Variants in CFAP92 observed in about 807,000 individuals in gnomAD.
CFAP92 encodes uncharacterized protein CFAP92.
A neutral mutation model predicts 106.3 loss-of-function variants in CFAP92; 86 were observed. The observed-to-expected ratio is 0.81, with a 90% CI of 0.68 to 0.97. The LOEUF (loss-of-function observed/expected upper bound fraction) is 0.97. Among genes scored for constraint, CFAP92 ranks in the 50% least tolerant of loss-of-function variants. The probability of loss-of-function intolerance (pLI) is 0.00; values close to 1 mark genes in which losing one functional copy is unlikely to be tolerated. For synonymous variants in CFAP92, 477 were observed against 506.4 expected (o/e 0.94, Z 0.78); for missense variants, 1,204 against 1,283.8 (o/e 0.94, Z 0.95).
At chr3:128,947,643 C>T (rs551322001) in intron 9 of CFAP92, among the ~76,000 whole-genome samples, 52 of 152,278 alleles carry the variant, frequency 3.4e-4, no homozygotes, top group African/African-American at 7.5e-4. Context: ...GAAACTTCAA[C>T]GTAAACCTCA....
rs894180787 is a variant in CFAP92, at chr3:128,935,290, T to C, written c.2288A>G (p.Lys763Arg). The C allele has an allele frequency of 6.5e-6, 10 of 1,528,726 alleles. No individual in the cohort carries two copies. In the African/African-American group the frequency reaches 1.1e-4, roughly 17 times the overall value. The allele number at this position is 1,528,726 out of a possible 1,614,324, so 94.7% of individuals were successfully genotyped here. A position where few individuals can be genotyped will look rare whatever the true frequency, so the allele number is the denominator to read the frequency against. ...WIPRSEHRKY[K>R]VLYNSQLLFR... is the part of the protein sequence containing the mutation. ...CAGCAGCTGTGAGTTGTACAGCACC[T>C]TGTATTTCCTGTGTTCTGACCTGGG... is the stretch of plus-strand genomic sequence containing the variant. The change falls in exon 11 of 16, where the codon AAG becomes AGG. Residue 763 changes from lysine to arginine, a missense_variant. Physicochemically the swap from Lys to Arg is conservative, Grantham distance 26. Coordinates refer to ENST00000645291, the MANE Select transcript of CFAP92 (RefSeq NM_001394090.1).
At chr3:128,919,336 T>C (rs1039434948) in intron 12 of CFAP92, among the ~76,000 whole-genome samples, 2 of 151,974 alleles carry the variant, frequency 1.3e-5, no homozygotes, top group South Asian at 4.2e-4. Flanking sequence ...GCATATACAC[T>C]AGGCAAAAAG....
chr3:128,939,418 G>A lies in CFAP92; in HGVS notation c.2259-4099C>T, dbSNP rs146187028. 5.0e-3 allele frequency among the ~76,000 whole-genome samples: 758 copies of A among 152,272 alleles called. 8 individuals are homozygous for A. Among genetic ancestry groups the A allele is most frequent in the African/African-American group, 0.017 (718 of 41,528 alleles). ...CTCCCAAAGTGCTGAGATTACAGGCGTGAGCCACTGTGCCCAGCCTAGAGT... is the reference window on the plus strand; with the variant it reads ...CTCCCAAAGTGCTGAGATTACAGGCATGAGCCACTGTGCCCAGCCTAGAGT... On this transcript the variant is annotated intron_variant, in intron 10 of 15. Coordinates refer to ENST00000645291, the MANE Select transcript of CFAP92 (RefSeq NM_001394090.1).
chr3:128,933,822 A>C (rs570369778), intron 11 of CFAP92, among the ~76,000 whole-genome samples: 30 of 152,302 alleles, frequency 2.0e-4, no homozygotes, highest in Non-Finnish European at 3.5e-4. Flanking sequence ...CCCACATGCC[A>C]AAGGTGAGGG....
At chr3:128,964,529 C>G (rs1429095110) in intron 9 of CFAP92, among the ~76,000 whole-genome samples, 1 of 152,188 alleles carries the variant, frequency 6.6e-6, no homozygotes, top group Admixed American at 6.5e-5. Context: ...GTGCTATCCC[C>G]AAACTGCCAC....
intron 4 of CFAP92, among the ~76,000 whole-genome samples, chr3:128,987,133 C>T (rs1002317542): frequency 1.8e-4 from 28 of 152,140 alleles, no homozygotes; most frequent in African/African-American, 6.5e-4. Flanking sequence ...CGCACTCCAG[C>T]CTGGGCGACA....
At chr3:129,015,050 G>A in the CFAP92 span, among the ~76,000 whole-genome samples, 1 of 152,090 alleles carries the variant, frequency 6.6e-6, no homozygotes, top group Admixed American at 6.5e-5. Flanking sequence ...CAGAACCACG[G>A]ACCACACAGC....
At chr3:128,975,177 T>A (rs1368144566) in intron 7 of CFAP92, among the ~76,000 whole-genome samples, 1 of 151,532 alleles carries the variant, frequency 6.6e-6, no homozygotes, top group Non-Finnish European at 1.5e-5. Context: ...TCAAGGAGAG[T>A]CTTTCCATAA....
intron 4 of CFAP92, among the ~76,000 whole-genome samples, chr3:128,986,469 C>G (rs1411340961): frequency 2.0e-5 from 3 of 151,112 alleles, no homozygotes; most frequent in Non-Finnish European, 4.4e-5. Context: ...CAAACTCCTG[C>G]CTCAGCCTCC....
upstream of CFAP92, among the ~76,000 whole-genome samples, chr3:129,006,813 G>A (rs1945095023): frequency 6.6e-6 from 1 of 152,140 alleles, no homozygotes; most frequent in Non-Finnish European, 1.5e-5. Flanking sequence ...CCTTGCCCGG[G>A]GGGCTGACCT....
intron 9 of CFAP92, among the ~76,000 whole-genome samples, chr3:128,959,210 CAAATAAAT>C (rs891094803): frequency 2.0e-5 from 3 of 150,964 alleles, no homozygotes; most frequent in Non-Finnish European, 2.9e-5. Flanking sequence ...AATTCTGCCT[CAAATAAAT>C]AAATAAATAA....
Position 128,959,456 on chromosome 3 carries a change from A to G in CFAP92, c.1353+6055T>C, listed in dbSNP as rs554356438. Among the ~76,000 whole-genome samples, 160 of 152,314 alleles carry G rather than the reference A, an allele frequency of 1.1e-3. 1 individual carries two copies. The highest frequency in any genetic ancestry group is 3.8e-3 in the African/African-American group (157 of 41,552). On this transcript the variant is annotated intron_variant, in intron 9 of 15. Transcript: ENST00000645291. ...ATATCTGCAGACATATGAGATCTCA[A>G]AAATAAATCTCCCATTGACCTTTTC... is the stretch of plus-strand genomic sequence containing the variant.
At chr3:128,933,178 CCTT>C (rs1326075441) in intron 11 of CFAP92, among the ~76,000 whole-genome samples, 181 bp from the exon 12 acceptor site, 2 of 152,228 alleles carry the variant, frequency 1.3e-5, no homozygotes, top group Non-Finnish European at 2.9e-5. Flanking sequence ...GCAAAAGCCT[CCTT>C]CTCCATCTTC....
At chr3:128,928,238 G>A (rs1937922795) in intron 12 of CFAP92, among the ~76,000 whole-genome samples, 1 of 152,168 alleles carries the variant, frequency 6.6e-6, no homozygotes, top group South Asian at 2.1e-4. Context: ...GGGTGACAGA[G>A]CAAGACTCCG....
At chr3:128,991,109 G>A (rs1218826330) in intron 2 of CFAP92, among the ~76,000 whole-genome samples, 1 of 152,150 alleles carries the variant, frequency 6.6e-6, no homozygotes, top group Non-Finnish European at 1.5e-5. Flanking sequence ...AATGCCTTTA[G>A]AGGACAACAA....
At chr3:128,990,020 C>T (rs932057195) in intron 2 of CFAP92, among the ~76,000 whole-genome samples, 1 of 152,222 alleles carries the variant, frequency 6.6e-6, no homozygotes, top group Admixed American at 6.5e-5. Flanking sequence ...TCTTGGAATA[C>T]AGGCAACAGA....
upstream of CFAP92, among the ~76,000 whole-genome samples, chr3:129,004,806 A>G (rs1402793414): frequency 6.6e-6 from 1 of 152,020 alleles, no homozygotes; most frequent in African/African-American, 2.4e-5. Context: ...CAGGTGTGTA[A>G]TGACTGCCTG....
Position 128,978,062 on chromosome 3 carries a change from T to A in CFAP92, c.791A>T (p.His264Leu). Residue 264 changes from histidine (H) to leucine (L), a missense_variant, in exon 5 of 16, where the codon CAC (histidine) becomes CTC (leucine). Transcript: ENST00000645291. ...PPGKQEKTEK[H>L]PKSLQGSHQA... ...CCGCTCACCTTGCAAAGACTTTGGG[T>A]GTTTTTCTGTTTTTTCTTGTTTTCC... The A allele has an allele frequency of 6.2e-7, 1 of 1,613,936 alleles. No homozygotes were observed. Among genetic ancestry groups the A allele is most frequent in the Non-Finnish European group, 8.5e-7 (1 of 1,179,882 alleles).
chr3:129,015,711 G>C, the CFAP92 span, among the ~76,000 whole-genome samples: 1 of 152,176 alleles, frequency 6.6e-6, no homozygotes, highest in Non-Finnish European at 1.5e-5. Context: ...AGGAGTCACA[G>C]AGGACCCCTG....
Sources: gnomAD v4.1 joint callset for allele counts (sites outside exome capture counted in the v4.1 genomes callset) on GRCh38, gnomAD v4.1.1 for gene constraint, MANE v1.5 for transcripts, NCBI Gene and HGNC (gene_info 2026-07-23, HGNC 2026-07-21) for gene names.